Variants in NEDD4L observed in about 807,000 individuals in gnomAD.
The protein encoded by NEDD4L is E3 ubiquitin-protein ligase NEDD4-like.
In NEDD4L, 54 loss-of-function variants were observed where a neutral mutation model predicts 148.9. The ratio of observed to expected loss-of-function variants is 0.36; its 90% confidence interval spans 0.29 to 0.45. The LOEUF (loss-of-function observed/expected upper bound fraction) is 0.45. NEDD4L is among the 20% of genes least tolerant of loss of function. The pLI is 1.00. For missense variants in NEDD4L, 856 were observed against 1,233.8 expected (o/e 0.69, Z 4.59); for synonymous variants, 433 against 440.7 (o/e 0.98, Z 0.22).
chr18:58,094,005 T>C (rs1033530556), intron 1 of NEDD4L, among the ~76,000 whole-genome samples: 1 of 152,042 alleles, frequency 6.6e-6, no homozygotes, highest in Non-Finnish European at 1.5e-5. Context: ...CTTTCTTTCC[T>C]CATTACACTG....
chr18:58,098,897 C>T (rs1338872167), intron 1 of NEDD4L, among the ~76,000 whole-genome samples: 3 of 152,140 alleles, frequency 2.0e-5, no homozygotes, highest in African/African-American at 7.2e-5. Flanking sequence ...GATACCCAAC[C>T]CATGTCACAG....
At chr18:58,192,064 G>A (rs1177570360) in intron 2 of NEDD4L, among the ~76,000 whole-genome samples, 3 of 152,118 alleles carry the variant, frequency 2.0e-5, no homozygotes, top group South Asian at 2.1e-4. Context: ...CCAGCTGCTC[G>A]GGAGGCTGAG....
At chr18:58,146,184 T>C (rs1044418892) in intron 1 of NEDD4L, among the ~76,000 whole-genome samples, 5 of 152,196 alleles carry the variant, frequency 3.3e-5, no homozygotes, top group African/African-American at 1.2e-4. Context: ...TAGAGATTAT[T>C]AGCCATTTGA....
At chr18:58,123,173 A>G (rs1313410547) in intron 1 of NEDD4L, among the ~76,000 whole-genome samples, 4 of 151,874 alleles carry the variant, frequency 2.6e-5, no homozygotes, top group African/African-American at 4.9e-5. Flanking sequence ...CTGGCCCTTG[A>G]AGACACCGCC....
intron 1 of NEDD4L, among the ~76,000 whole-genome samples, chr18:58,117,562 A>G (rs1287202954): frequency 1.3e-5 from 2 of 152,234 alleles, no homozygotes; most frequent in East Asian, 1.9e-4. Flanking sequence ...TCTTTGAACC[A>G]GTTTCCCTGG....
At position 58,317,243 on chromosome 18, in the gene NEDD4L, T is replaced by A. The variant is rs747040904; in HGVS notation, c.348+1211T>A. On this transcript the variant is annotated intron_variant, in intron 6 of 30. Transcript: ENST00000400345. The stretch of plus-strand genomic sequence containing the variant: ...GAGGGGCCTGCCCAGGGCTTCTGCG[T>A]GAGAACTACTCCATGAGCCATCAGA... Among the ~76,000 whole-genome samples, 9 of 152,370 alleles carry A rather than the reference T, an allele frequency of 5.9e-5. 1 individual carries two copies. In the South Asian group the frequency reaches 1.2e-3, roughly 21 times the overall value.
At chr18:58,357,886 G>A (rs1161006112) in intron 19 of NEDD4L, among the ~76,000 whole-genome samples, 1 of 152,136 alleles carries the variant, frequency 6.6e-6, no homozygotes, top group Non-Finnish European at 1.5e-5. Context: ...GAGACATTTG[G>A]TATCTCACAC....
intron 1 of NEDD4L, among the ~76,000 whole-genome samples, chr18:58,120,819 G>A (rs1480657963): frequency 6.6e-6 from 1 of 151,980 alleles, no homozygotes; most frequent in Non-Finnish European, 1.5e-5. Flanking sequence ...TTCAAATTCA[G>A]GAAAATTTTC....
chr18:58,190,399 A>C (rs538497691), intron 2 of NEDD4L, among the ~76,000 whole-genome samples: 1 of 152,366 alleles, frequency 6.6e-6, no homozygotes, highest in South Asian at 2.1e-4. Context: ...AGCCATTAGA[A>C]ATGATGTTAC....
chr18:58,084,043 T>C (rs201493742), intron 1 of NEDD4L, among the ~76,000 whole-genome samples: 1 of 152,272 alleles, frequency 6.6e-6, no homozygotes, highest in East Asian at 1.9e-4. Flanking sequence ...AAGCTTTTTT[T>C]TAAGAAAAGA....
intron 1 of NEDD4L, among the ~76,000 whole-genome samples, chr18:58,114,455 A>G (rs1157826390): frequency 1.3e-5 from 2 of 152,228 alleles, no homozygotes; most frequent in Non-Finnish European, 2.9e-5. Flanking sequence ...CCAGCAGTCA[A>G]GAGATTTTTT....
chr18:58,338,716 G>C (rs1178908461), intron 13 of NEDD4L, among the ~76,000 whole-genome samples: 1 of 152,308 alleles, frequency 6.6e-6, no homozygotes, highest in Middle Eastern at 3.4e-3. Context: ...AGCAGTTCGA[G>C]ACCAGCCTGA....
chr18:58,336,657 C>T (rs567150219), intron 13 of NEDD4L, among the ~76,000 whole-genome samples: 1 of 152,188 alleles, frequency 6.6e-6, no homozygotes, highest in East Asian at 1.9e-4. Context: ...GATAACTTTA[C>T]GTATACAATT....
At chr18:58,180,905 C>A (rs1349764522) in intron 2 of NEDD4L, among the ~76,000 whole-genome samples, 1 of 152,204 alleles carries the variant, frequency 6.6e-6, no homozygotes, top group Non-Finnish European at 1.5e-5. Flanking sequence ...CTTCTCTGGT[C>A]TATCGAGGTG....
intron 2 of NEDD4L, among the ~76,000 whole-genome samples, chr18:58,187,792 A>G (rs1490696403): frequency 6.6e-6 from 1 of 152,156 alleles, no homozygotes; most frequent in African/African-American, 2.4e-5. Context: ...ATCACATTAA[A>G]CATCAGAAAA....
rs1373530964 is a variant in NEDD4L, at chr18:58,330,696, A to G, written c.814-42A>G. ...TCATTGGGGAGCTGGGTGGATCCCT[A>G]CTTCTTTCTAGTGTTTACCCCAGTG... On this transcript the variant is annotated intron_variant, in intron 10 of 30. Coordinates refer to ENST00000400345, the MANE Select transcript of NEDD4L (RefSeq NM_001144967.3). The G allele has an allele frequency of 3.8e-6, 5 of 1,304,448 alleles. No homozygotes were observed. In the South Asian group the frequency reaches 5.1e-5, roughly 13 times the overall value. 80.8% of individuals were successfully genotyped at this position (1,304,448 alleles called of 1,614,324 possible). A position where few individuals can be genotyped will look rare whatever the true frequency, so the allele number is the denominator to read the frequency against.
At chr18:58,124,457 C>T (rs527281330) in intron 1 of NEDD4L, among the ~76,000 whole-genome samples, 1 of 152,338 alleles carries the variant, frequency 6.6e-6, no homozygotes, top group South Asian at 2.1e-4. Flanking sequence ...AGTGCTGCTC[C>T]AAGTGCCTTC....
intron 1 of NEDD4L, chr18:58,054,966 AGAGCTTTT>A (rs572856598): frequency 2.6e-5 from 4 of 152,348 alleles, no homozygotes; most frequent in Admixed American, 2.6e-4. Flanking sequence ...GCCAGGAGTA[AGAGCTTTT>A]CCTCCTTTTG....
intron 1 of NEDD4L, among the ~76,000 whole-genome samples, chr18:58,120,060 G>A (rs1159857869): frequency 6.6e-6 from 1 of 152,210 alleles, no homozygotes; most frequent in African/African-American, 2.4e-5. Flanking sequence ...TAAGGAAGAA[G>A]TCTCCTTGCC....
Sources: allele counts gnomAD v4.1 joint callset (sites outside exome capture counted in the v4.1 genomes callset), GRCh38; gene constraint gnomAD v4.1.1; transcripts MANE v1.5; gene names NCBI Gene and HGNC (gene_info 2026-07-23, HGNC 2026-07-21).